Variants in UTRN observed in about 807,000 individuals in gnomAD.
UTRN encodes the protein utrophin.
In UTRN, 283 loss-of-function variants were observed where a neutral mutation model predicts 463.9. The ratio of observed to expected loss-of-function variants is 0.61; its 90% CI spans 0.55 to 0.67. UTRN has a LOEUF of 0.67. Among genes scored for constraint, UTRN ranks in the 30% least tolerant of loss-of-function variants. The pLI is 0.00. For synonymous variants in UTRN, 1,442 were observed against 1,431.5 expected, an observed-to-expected ratio of 1.01 and a Z score of -0.17; for missense variants, 3,922 against 4,084.3, an observed-to-expected ratio of 0.96 and a Z score of 1.08.
intron 54 of UTRN, among the ~76,000 whole-genome samples, chr6:144,741,602 G>C (rs1440657718): frequency 1.8e-4 from 28 of 152,020 alleles, no homozygotes; most frequent in Admixed American, 1.8e-3. Flanking sequence ...CCTGCCCCCA[G>C]TGACCCATCT....
intron 53 of UTRN, among the ~76,000 whole-genome samples, chr6:144,723,622 T>C (rs947932032): frequency 6.6e-6 from 1 of 152,044 alleles, no homozygotes; most frequent in Non-Finnish European, 1.5e-5. Flanking sequence ...AACACTGAGG[T>C]GGGAGCAGCC....
intron 34 of UTRN, among the ~76,000 whole-genome samples, chr6:144,507,115 G>A (rs1455971867): frequency 6.6e-5 from 10 of 151,666 alleles, no homozygotes; most frequent in Non-Finnish European, 5.9e-5. Flanking sequence ...AGCTTCATCA[G>A]GTCATTTATG....
intron 2 of UTRN, among the ~76,000 whole-genome samples, chr6:144,354,716 A>C (rs1022195405): frequency 3.9e-5 from 6 of 152,104 alleles, no homozygotes; most frequent in Non-Finnish European, 7.4e-5. Flanking sequence ...TTCTCTAGGA[A>C]TTCTCTGCTG....
chr6:144,732,234 A>ATG (rs1260256479), intron 54 of UTRN, among the ~76,000 whole-genome samples: 1,188 of 30,802 alleles, frequency 0.039, 16 homozygotes, highest in African/African-American at 0.11. Context: ...ATATATATAT[A>ATG]TATACATATA....
At chr6:144,553,641 G>T (rs1176969977) in intron 48 of UTRN, among the ~76,000 whole-genome samples, 1 of 152,148 alleles carries the variant, frequency 6.6e-6, no homozygotes, top group Non-Finnish European at 1.5e-5. Flanking sequence ...TTCCAGCCGG[G>T]TGCGTTGGCT....
rs571144324 is a variant in UTRN, at chr6:144,433,471, C to T, written c.856-2464C>T. ...GGGGCTCCTCACTTCTCAGACGGGG[C>T]GGTTGCCAGGCAGAGGGTCTCCTCA... is the stretch of plus-strand genomic sequence containing the variant. On this transcript the variant is annotated intron_variant, in intron 9 of 74. Coordinates refer to ENST00000367545, the MANE Select transcript of UTRN (RefSeq NM_007124.3). Among the ~76,000 whole-genome samples, 447 of 146,968 alleles carry T rather than the reference C, an allele frequency of 3.0e-3. 1 individual carries two copies. Among genetic ancestry groups the T allele is most frequent in the African/African-American group, 9.3e-3 (367 of 39,656 alleles).
intron 2 of UTRN, among the ~76,000 whole-genome samples, chr6:144,297,393 G>A (rs1804823219): frequency 6.6e-6 from 1 of 152,212 alleles, no homozygotes; most frequent in Admixed American, 6.5e-5. Flanking sequence ...TGAAAATTCT[G>A]AGGAGGATTA....
chr6:144,508,400 G>A (rs560813826), intron 34 of UTRN, among the ~76,000 whole-genome samples: 4 of 152,290 alleles, frequency 2.6e-5, no homozygotes, highest in South Asian at 2.1e-4. Context: ...GGGAATCTCC[G>A]GGTCTGTAGG....
chr6:144,654,787 T>G (rs1219834208), intron 51 of UTRN, among the ~76,000 whole-genome samples: 2 of 152,234 alleles, frequency 1.3e-5, no homozygotes, highest in Non-Finnish European at 2.9e-5. Flanking sequence ...GGCATTATTT[T>G]TAGTCACCTA....
chr6:144,619,327 T>TACAAATAAA (rs1775107651), intron 51 of UTRN, among the ~76,000 whole-genome samples: 5 of 152,322 alleles, frequency 3.3e-5, no homozygotes, highest in Admixed American at 6.5e-5. Context: ...TCAGGATTAT[T>TACAAATAAA]TGGCATTTAA....
intron 51 of UTRN, among the ~76,000 whole-genome samples, chr6:144,645,528 C>T (rs915630463): frequency 2.0e-5 from 3 of 152,136 alleles, no homozygotes; most frequent in African/African-American, 7.2e-5. Flanking sequence ...TAAAACGATA[C>T]TTTGCAAAAT....
chr6:144,738,499 A>C (rs376754653), intron 54 of UTRN, among the ~76,000 whole-genome samples: 104 of 152,298 alleles, frequency 6.8e-4, no homozygotes, highest in Middle Eastern at 6.8e-3. Context: ...TCCTCTCTCC[A>C]TACCACATAC....
chr6:144,809,047 T>C (rs1778385880), intron 65 of UTRN, among the ~76,000 whole-genome samples: 1 of 152,180 alleles, frequency 6.6e-6, no homozygotes, highest in Non-Finnish European at 1.5e-5. Context: ...CTGGATGATA[T>C]GATAGTTCTA....
intron 53 of UTRN, among the ~76,000 whole-genome samples, chr6:144,716,753 G>A (rs1281973672): frequency 1.3e-5 from 2 of 151,798 alleles, no homozygotes; most frequent in Admixed American, 1.3e-4. Flanking sequence ...GTTTTACTTG[G>A]GTGCAGAGTT....
chr6:144,317,558 A>G (rs1189566598), intron 2 of UTRN, among the ~76,000 whole-genome samples: 1 of 151,784 alleles, frequency 6.6e-6, no homozygotes, highest in Non-Finnish European at 1.5e-5. Flanking sequence ...CACCATGCCT[A>G]GCTAATTTCT....
intron 3 of UTRN, among the ~76,000 whole-genome samples, chr6:144,414,933 C>A (rs1046491450): frequency 1.3e-5 from 2 of 152,150 alleles, no homozygotes; most frequent in Non-Finnish European, 2.9e-5. Context: ...AGGATGGTCT[C>A]CAACTCCCAA....
chr6:144,448,371 G>A (rs1787904130), intron 16 of UTRN, among the ~76,000 whole-genome samples: 2 of 152,210 alleles, frequency 1.3e-5, no homozygotes, highest in South Asian at 4.1e-4. Flanking sequence ...TAAATGCATG[G>A]TTGCCACTGG....
chr6:144,423,964 G>GT (rs751931181), intron 5 of UTRN, 22 bp from the exon 6 acceptor site: 32 of 1,604,986 alleles, frequency 2.0e-5, no homozygotes, highest in East Asian at 1.1e-4. Flanking sequence ...TTTTGTTTTT[G>GT]TTTTTTGTTT....
chr6:144,608,420 C>T (rs1393199058), intron 51 of UTRN, among the ~76,000 whole-genome samples: 1 of 152,154 alleles, frequency 6.6e-6, no homozygotes, highest in Non-Finnish European at 1.5e-5. Context: ...TCTCTGTTCC[C>T]CTCTCTCCCA....
Sources: allele counts gnomAD v4.1 joint callset (sites outside exome capture counted in the v4.1 genomes callset), GRCh38; gene constraint gnomAD v4.1.1; transcripts MANE v1.5; gene names NCBI Gene and HGNC (gene_info 2026-07-23, HGNC 2026-07-21).